Variants in ANKIB1 observed in about 807,000 individuals in gnomAD.
ANKIB1 encodes ankyrin repeat and IBR domain containing 1.
In ANKIB1, 43 loss-of-function variants were observed where a neutral mutation model predicts 122.1. The ratio of observed to expected loss-of-function variants is 0.35; its 90% CI spans 0.28 to 0.45. ANKIB1 has a LOEUF of 0.45. Among genes scored for constraint, ANKIB1 ranks in the 20% least tolerant of loss-of-function variants. The pLI, the probability that ANKIB1 is intolerant of heterozygous loss-of-function variation, is 1.00. For missense variants in ANKIB1, 992 were observed against 1,329.5 expected (o/e 0.75, Z 3.95); for synonymous variants, 390 against 442.0 (o/e 0.88, Z 1.48).
chr7:92,247,018 G>A (rs188408437), intron 1 of ANKIB1, among the ~76,000 whole-genome samples: 7 of 151,688 alleles, frequency 4.6e-5, no homozygotes, highest in Admixed American at 4.6e-4. Context: ...GCGCTCCCCT[G>A]TATTCTTATT....
chr7:92,307,279 A>G (rs1802579721), intron 2 of ANKIB1, 80 bp from the exon 3 acceptor site: 2 of 1,363,614 alleles, frequency 1.5e-6, no homozygotes, highest in East Asian at 5.0e-5. Flanking sequence ...TTTATCTTTT[A>G]AAAGTGTTAT....
chr7:92,324,079 G>A (rs531617554), intron 4 of ANKIB1, among the ~76,000 whole-genome samples: 77 of 152,148 alleles, frequency 5.1e-4, no homozygotes, highest in Non-Finnish European at 8.4e-4. Flanking sequence ...GAGAAGGAGT[G>A]ACTGCTTAAT....
chr7:92,355,528 T>C (rs1803782739), intron 9 of ANKIB1, among the ~76,000 whole-genome samples: 1 of 152,124 alleles, frequency 6.6e-6, no homozygotes, highest in Non-Finnish European at 1.5e-5. Context: ...TTTTATTCGC[T>C]GAAATTGATT....
intron 5 of ANKIB1, among the ~76,000 whole-genome samples, chr7:92,340,857 C>A (rs920425245): frequency 2.0e-5 from 3 of 152,166 alleles, no homozygotes; most frequent in Non-Finnish European, 2.9e-5. Context: ...AAATGGCCAA[C>A]AAACACATCA....
intron 17 of ANKIB1, chr7:92,396,126 G>T: frequency 2.0e-6 from 1 of 500,316 alleles, no homozygotes; most frequent in Non-Finnish European, 3.6e-6. Context: ...TGTAGCACTG[G>T]GGCTTGCAAG....
intron 1 of ANKIB1, among the ~76,000 whole-genome samples, chr7:92,289,382 T>G (rs1161531665): frequency 6.6e-6 from 1 of 152,232 alleles, no homozygotes; most frequent in Non-Finnish European, 1.5e-5. Context: ...TTTGTTCATT[T>G]GTATTTTTTG....
At position 92,398,376 on chromosome 7, in the gene ANKIB1, C is replaced by G. The variant is rs772212297; in HGVS notation, c.2697C>G (p.Val899=). The G allele has an allele frequency of 3.1e-6, 5 of 1,613,136 alleles. No individual in the cohort carries two copies. In the East Asian group the frequency reaches 1.1e-4, roughly 36 times the overall value. ...GTSLPSRLDS[V]PRNTDSPRAA... is the part of the protein sequence containing the mutation. ...CTTTACCTTCCAGGCTGGACTCTGT[C>G]CCCAGAAATACAGATAGCCCTCGGG... is the stretch of plus-strand genomic sequence containing the variant. The change falls in exon 20 of 20, where the codon GTC becomes GTG. Residue 899 remains valine (V), a synonymous_variant. Transcript: ENST00000265742.
intron 9 of ANKIB1, among the ~76,000 whole-genome samples, chr7:92,361,525 A>G (rs1207943303): frequency 6.6e-6 from 1 of 152,232 alleles, no homozygotes; most frequent in Non-Finnish European, 1.5e-5. Context: ...GGCCAGGAAT[A>G]CACCTTTGAA....
At chr7:92,374,913 C>T (rs1233850655) in intron 11 of ANKIB1, among the ~76,000 whole-genome samples, 1 of 151,650 alleles carries the variant, frequency 6.6e-6, no homozygotes, top group Non-Finnish European at 1.5e-5. Flanking sequence ...TTCAAAGACA[C>T]AATATGAAGA....
chr7:92,375,672 A>G (rs1804363808), intron 11 of ANKIB1, among the ~76,000 whole-genome samples: 1 of 152,184 alleles, frequency 6.6e-6, no homozygotes. Flanking sequence ...ATAGGAATCA[A>G]CTTTTTCCAA....
At chr7:92,309,942 A>AAAAAAAAAAAACTATATAT (rs1335765681) in intron 3 of ANKIB1, among the ~76,000 whole-genome samples, 1 of 91,818 alleles carries the variant, frequency 1.1e-5, no homozygotes, top group East Asian at 4.6e-4. Context: ...AAAAAAAAAA[A>AAAAAAAAAAAACTATATAT]ATATATATAT....
At chr7:92,311,716 C>T (rs564185197) in intron 3 of ANKIB1, among the ~76,000 whole-genome samples, 13 of 148,702 alleles carry the variant, frequency 8.7e-5, no homozygotes, top group Admixed American at 2.7e-4. Context: ...CTGTAATAAG[C>T]GCCCCCCCCA....
At chr7:92,332,419 A>C (rs1341148829) in intron 5 of ANKIB1, among the ~76,000 whole-genome samples, 1 of 152,202 alleles carries the variant, frequency 6.6e-6, no homozygotes, top group African/African-American at 2.4e-5. Flanking sequence ...TGTGTTATCA[A>C]ATATAATCCC....
At chr7:92,387,735 C>CA in intron 12 of ANKIB1, 63 bp from the exon 13 acceptor site, 1 of 1,293,050 alleles carries the variant, frequency 7.7e-7, no homozygotes, top group Non-Finnish European at 1.1e-6. Context: ...ATGATTCCCC[C>CA]AAAAAACTAT....
At chr7:92,313,406 A>G (rs184746801) in intron 3 of ANKIB1, among the ~76,000 whole-genome samples, 28 of 152,286 alleles carry the variant, frequency 1.8e-4, no homozygotes, top group African/African-American at 4.8e-5. Context: ...GAGTTTTAAA[A>G]CTGTGTAAAG....
chr7:92,356,641 G>A (rs958136843), intron 9 of ANKIB1, among the ~76,000 whole-genome samples: 1 of 152,200 alleles, frequency 6.6e-6, no homozygotes, highest in Non-Finnish European at 1.5e-5. Flanking sequence ...TAGCTCTGTG[G>A]CTTGGTGATA....
At position 92,379,897 on chromosome 7, in the gene ANKIB1, G is replaced by A. The variant is rs188460122; in HGVS notation, c.1618-6612G>A. On this transcript the variant is annotated intron_variant, in intron 11 of 19. Coordinates refer to ENST00000265742, the MANE Select transcript of ANKIB1 (RefSeq NM_019004.2). Reference sequence around the variant, plus strand: ...GGTTCATCTCATTGGGACTGGTCGGGAAGTGGGTGCAGCACACGAAGGGCA... The same window carrying A: ...GGTTCATCTCATTGGGACTGGTCGGAAAGTGGGTGCAGCACACGAAGGGCA... 5.3e-4 allele frequency among the ~76,000 whole-genome samples: 80 copies of A among 152,242 alleles called. 1 individual carries two copies. Among genetic ancestry groups the A allele is most frequent in the Admixed American group, 3.4e-3 (52 of 15,290 alleles).
chr7:92,286,840 A>G (rs1009857324), intron 1 of ANKIB1, among the ~76,000 whole-genome samples: 1 of 152,126 alleles, frequency 6.6e-6, no homozygotes, highest in African/African-American at 2.4e-5. Context: ...CCATACTGCT[A>G]TGTGTACATC....
chr7:92,334,068 G>T (rs1803236194), intron 5 of ANKIB1, among the ~76,000 whole-genome samples: 1 of 152,054 alleles, frequency 6.6e-6, no homozygotes, highest in Admixed American at 6.6e-5. Flanking sequence ...AAATTGTTTG[G>T]ATGTGCTAAG....
Sources: gnomAD v4.1 joint callset for allele counts (sites outside exome capture counted in the v4.1 genomes callset) on GRCh38, gnomAD v4.1.1 for gene constraint, MANE v1.5 for transcripts, NCBI Gene and HGNC (gene_info 2026-07-23, HGNC 2026-07-21) for gene names.